Variants in MAP4K4 observed in about 807,000 individuals in gnomAD.
MAP4K4 encodes the protein mitogen-activated protein kinase kinase kinase kinase 4.
A neutral mutation model predicts 189.6 loss-of-function variants in MAP4K4; 38 were observed. That is an observed-to-expected ratio of 0.20 (90% CI 0.15 to 0.26). MAP4K4 has a LOEUF of 0.26. Ranked by LOEUF, MAP4K4 falls within the 10% of genes least tolerant of loss-of-function variation. The pLI is 1.00. For synonymous variants in MAP4K4, 610 were observed against 624.3 expected (o/e 0.98, Z 0.34); for missense variants, 1,054 against 1,726.9 (o/e 0.61, Z 6.91).
chr2:101,789,795 A>G (rs1260319430), intron 2 of MAP4K4, among the ~76,000 whole-genome samples: 1 of 152,142 alleles, frequency 6.6e-6, no homozygotes, highest in Non-Finnish European at 1.5e-5. Flanking sequence ...CCAGCAGGGC[A>G]TTGCAAAGAG....
In MAP4K4 at chr2:101,875,308, C is replaced by CACATATT. The variant is rs1325227380; in HGVS notation, c.3241+1064_3241+1070dup. ...AGAATAAAATTATATGAAAATGAAT[C>CACATATT]ACATATTACATATTTAAATATTTTT... On this transcript the variant is annotated intron_variant, in intron 26 of 32. Coordinates refer to ENST00000324219, the Ensembl canonical transcript of MAP4K4. Among the ~76,000 whole-genome samples the CACATATT allele has an allele frequency of 2.0e-5, 3 of 151,944 alleles. No individual in the cohort carries two copies. The South Asian group carries it at 6.2e-4, about 32-fold the overall frequency.
chr2:101,698,210 G>T (rs1394964504), intron 1 of MAP4K4, 73 bp downstream of exon 1: 4 of 698,584 alleles, frequency 5.7e-6, no homozygotes, highest in Non-Finnish European at 7.1e-6. Flanking sequence ...CGCCCAGGTC[G>T]GCCGGGCGCT....
chr2:101,718,633 G>A (rs1456593579), intron 2 of MAP4K4, among the ~76,000 whole-genome samples: 1 of 149,726 alleles, frequency 6.7e-6, no homozygotes, highest in Non-Finnish European at 1.5e-5. Flanking sequence ...GGGTGGATGG[G>A]TTAAGGGTGG....
chr2:101,801,101 C>T lies in MAP4K4; in HGVS notation c.180+10325C>T, dbSNP rs1226856151. ...TTTCCCCAGCTGCTGCTGCTGCTTT[C>T]TGCTTTCCTCCTCTTTCTTTATTCC... is the stretch of plus-strand genomic sequence containing the variant. On this transcript the variant is annotated intron_variant, in intron 3 of 32. Transcript: ENST00000324219. 5.3e-5 allele frequency among the ~76,000 whole-genome samples: 8 copies of T among 152,158 alleles called. No homozygotes were observed. The South Asian group carries it at 6.2e-4, about 12-fold the overall frequency.
chr2:101,870,031 G>T, intron 22 of MAP4K4: 1 of 631,620 alleles, frequency 1.6e-6, no homozygotes, highest in Non-Finnish European at 2.6e-6. Flanking sequence ...TTGATTTGAG[G>T]ATATATGATC....
chr2:101,722,393 T>G (rs1164533767), intron 2 of MAP4K4, among the ~76,000 whole-genome samples: 1 of 152,248 alleles, frequency 6.6e-6, no homozygotes, highest in Non-Finnish European at 1.5e-5. Flanking sequence ...TGAATTTTTC[T>G]CTCGTTTTGT....
rs188904486 is a variant in MAP4K4 at position 101,751,189 on chromosome 2, A to G, written c.124-39531A>G. ...AGAATTCAGTGTTCAACAGTTGTAC[A>G]TACACACATTCTTATCAGGTGAAGA... On this transcript the variant is annotated intron_variant, in intron 2 of 32. Transcript: ENST00000324219. 4.0e-3 allele frequency among the ~76,000 whole-genome samples: 613 copies of G among 152,374 alleles called. 3 individuals carry two copies. The highest frequency in any genetic ancestry group is 0.014 in the African/African-American group (576 of 41,594).
intron 5 of MAP4K4, among the ~76,000 whole-genome samples, chr2:101,825,793 A>G (rs1451915829): frequency 1.3e-5 from 2 of 152,226 alleles, no homozygotes; most frequent in Non-Finnish European, 2.9e-5. Context: ...TTATAAATCA[A>G]TACTAATGGT....
chr2:101,777,172 A>C (rs1351082306), intron 2 of MAP4K4, among the ~76,000 whole-genome samples: 2 of 152,206 alleles, frequency 1.3e-5, no homozygotes, highest in East Asian at 3.9e-4. Flanking sequence ...GAAATCTTGT[A>C]GCATTTTTAA....
chr2:101,737,426 GATATATATATATATAT>G (rs59942464), intron 2 of MAP4K4, among the ~76,000 whole-genome samples: 85 of 29,954 alleles, frequency 2.8e-3, no homozygotes, highest in Middle Eastern at 0.033. Flanking sequence ...CCTATTGTGA[GATATATATATATATAT>G]ATATATATAT....
At chr2:101,831,586 G>A (rs192505491) in intron 6 of MAP4K4, 135 bp from the exon 7 acceptor site, 39 of 943,354 alleles carry the variant, frequency 4.1e-5, no homozygotes, top group Non-Finnish European at 6.3e-5. Flanking sequence ...CCTGCCTTGA[G>A]CAGGATCGCA....
chr2:101,866,983 A>G (rs1335322627), intron 19 of MAP4K4, among the ~76,000 whole-genome samples: 2 of 151,728 alleles, frequency 1.3e-5, no homozygotes, highest in African/African-American at 2.4e-5. Flanking sequence ...CAAGGTATAT[A>G]TTGTGAACAC....
At chr2:101,866,829 A>G (rs1033044964) in intron 19 of MAP4K4, among the ~76,000 whole-genome samples, 9 of 148,274 alleles carry the variant, frequency 6.1e-5, no homozygotes, top group African/African-American at 2.2e-4. Context: ...TCCCAAGGTA[A>G]TTGGCTAATG....
chr2:101,706,438 C>T (rs2042347282), intron 2 of MAP4K4, among the ~76,000 whole-genome samples: 1 of 152,132 alleles, frequency 6.6e-6, no homozygotes, highest in Admixed American at 6.5e-5. Flanking sequence ...CATACGATTA[C>T]ATTTCCTTTT....
chr2:101,719,821 G>A (rs1422840394), intron 2 of MAP4K4, among the ~76,000 whole-genome samples: 2 of 152,128 alleles, frequency 1.3e-5, no homozygotes, highest in African/African-American at 2.4e-5. Context: ...AGACCAGTCT[G>A]GCCAATATGG....
chr2:101,864,179 C>T, intron 17 of MAP4K4, 128 bp downstream of exon 17: 1 of 396,926 alleles, frequency 2.5e-6, no homozygotes, highest in South Asian at 2.7e-5. Context: ...TTCAAAGGGA[C>T]TTTTTACTGG....
At chr2:101,729,099 A>AGT (rs1446413696) in intron 2 of MAP4K4, among the ~76,000 whole-genome samples, 14 of 56,766 alleles carry the variant, frequency 2.5e-4, no homozygotes, top group African/African-American at 6.2e-4. Context: ...AGAGAGAGAG[A>AGT]GAGTGTGTGT....
intron 2 of MAP4K4, among the ~76,000 whole-genome samples, chr2:101,733,819 C>T (rs1280100548): frequency 6.6e-6 from 1 of 152,174 alleles, no homozygotes; most frequent in African/African-American, 2.4e-5. Flanking sequence ...GGTCCCGTTA[C>T]AGGAAGAGCA....
intron 2 of MAP4K4, among the ~76,000 whole-genome samples, chr2:101,759,422 G>A (rs1020855169): frequency 3.3e-5 from 5 of 150,854 alleles, no homozygotes; most frequent in African/African-American, 7.3e-5. Context: ...TCAGTGAAAT[G>A]AGCTTTTTCT....
Sources: allele counts gnomAD v4.1 joint callset (sites outside exome capture counted in the v4.1 genomes callset), GRCh38; gene constraint gnomAD v4.1.1; transcripts MANE v1.5; gene names NCBI Gene and HGNC (gene_info 2026-07-23, HGNC 2026-07-21).